Variants in BCO2 observed in about 807,000 individuals in gnomAD.
BCO2 encodes carotenoid-cleaving dioxygenase, mitochondrial.
BCO2 carries 56 observed loss-of-function variants against 65.8 expected under a neutral mutation model. That is an observed-to-expected ratio of 0.85 (90% CI 0.69 to 1.06). The LOEUF (loss-of-function observed/expected upper bound fraction) is 1.06. Among genes scored for constraint, BCO2 ranks in the 50% least tolerant of loss-of-function variants. BCO2 has a pLI of 0.00. For synonymous variants in BCO2, 233 were observed against 242.3 expected (o/e 0.96, Z 0.36); for missense variants, 675 against 698.5 (o/e 0.97, Z 0.38).
rs1419913789 is a variant in BCO2 at position 112,200,746 on chromosome 11, T to C, written c.999T>C (p.Phe333=). ...GGGAACCCCAGTGTAATACGCGGTTTCATGTGGTGGAAAAACGCACTGGAC... is the reference window on the plus strand; with the variant it reads ...GGGAACCCCAGTGTAATACGCGGTTCCATGTGGTGGAAAAACGCACTGGAC... ...ISWEPQCNTR[F]HVVEKRTGQL... Residue 333 remains phenylalanine, a synonymous_variant, in exon 7 of 12, where the codon TTT becomes TTC. Coordinates refer to ENST00000357685, the MANE Select transcript of BCO2 (RefSeq NM_031938.7). 10 of 1,613,876 alleles carry C rather than the reference T, an allele frequency of 6.2e-6. No homozygotes were observed. The highest frequency in any genetic ancestry group is 8.5e-6 in the Non-Finnish European group (10 of 1,179,942).
intron 8 of BCO2, among the ~76,000 whole-genome samples, chr11:112,213,131 CTTTTTTTTTTTTTT>C (rs35527541): frequency 4.8e-5 from 3 of 63,064 alleles, no homozygotes; most frequent in African/African-American, 7.5e-5. Flanking sequence ...AATTAAATAA[CTTTTTTTTTTTTTT>C]TTTTTTTTTT....
intron 2 of BCO2, chr11:112,181,410 T>C (rs1484774432): frequency 3.4e-6 from 2 of 588,074 alleles, no homozygotes; most frequent in East Asian, 3.6e-5. Flanking sequence ...CTCGATCTCC[T>C]GACCTCGTGA....
At chr11:112,216,952 G>A (rs1859696816) in intron 11 of BCO2, among the ~76,000 whole-genome samples, 5 of 152,216 alleles carry the variant, frequency 3.3e-5, no homozygotes, top group Non-Finnish European at 4.4e-5. Flanking sequence ...ATCAATTAGC[G>A]ATATCTGCCA....
At chr11:112,200,200 T>A (rs1319958966) in intron 6 of BCO2, among the ~76,000 whole-genome samples, 1 of 152,234 alleles carries the variant, frequency 6.6e-6, no homozygotes, top group Non-Finnish European at 1.5e-5. Flanking sequence ...ACTCAGAATA[T>A]TTATTTTCTG....
At position 112,181,851 on chromosome 11, in the gene BCO2, A is replaced by C. The variant is rs1434188564; in HGVS notation, c.293+2369A>C. On this transcript the variant is annotated intron_variant, in intron 2 of 11. Transcript: ENST00000357685. ...TGCACATGCAAATCTTTGCTGTTCA[A>C]ATCTTGAACGAGCTCATCTCTCTGG... The C allele has an allele frequency of 6.2e-6, 6 of 964,906 alleles. No individual in the cohort carries two copies. The East Asian group carries it at 1.4e-4, about 23-fold the overall frequency. 59.8% of individuals were successfully genotyped at this position (964,906 alleles called of 1,614,324 possible). A position where few individuals can be genotyped will look rare whatever the true frequency, so the allele number is the denominator to read the frequency against.
At position 112,217,946 on chromosome 11, in the gene BCO2, A is replaced by C. The variant is rs1215105658; in HGVS notation, c.*72A>C. On this transcript the variant is annotated 3_prime_UTR_variant, in exon 12 of 12. Coordinates refer to ENST00000357685, the MANE Select transcript of BCO2 (RefSeq NM_031938.7). ...CTTGGACATAAAGACTGGAGAAATAAACACTGAGGACTCCAAAAGGGGGGC... is the reference window on the plus strand; with the variant it reads ...CTTGGACATAAAGACTGGAGAAATACACACTGAGGACTCCAAAAGGGGGGC... 9.0e-7 allele frequency: 1 copy of C among 1,115,534 alleles called. No homozygotes were observed. The highest frequency in any genetic ancestry group is 1.6e-5 in the African/African-American group (1 of 63,364). 69.1% of individuals were successfully genotyped at this position (1,115,534 alleles called of 1,614,324 possible). A position where few individuals can be genotyped will look rare whatever the true frequency, so the allele number is the denominator to read the frequency against.
At chr11:112,190,326 AT>A (rs1867337063) in intron 2 of BCO2, among the ~76,000 whole-genome samples, 1 of 152,186 alleles carries the variant, frequency 6.6e-6, no homozygotes, top group Non-Finnish European at 1.5e-5. Context: ...TATAACACTA[AT>A]AAATATTTTG....
intron 2 of BCO2, among the ~76,000 whole-genome samples, chr11:112,189,472 C>T (rs1867306378): frequency 6.8e-6 from 1 of 146,062 alleles, no homozygotes; most frequent in African/African-American, 2.5e-5. Flanking sequence ...GTGGCACGAT[C>T]TCGGCTCACT....
chr11:112,193,336 TTC>T, intron 2 of BCO2, 136 bp from the exon 3 acceptor site: 6 of 805,636 alleles, frequency 7.4e-6, no homozygotes, highest in Non-Finnish European at 1.2e-5. Context: ...CAATTTCAAG[TTC>T]TCTGACTAAT....
chr11:112,194,060 T>C (rs1252429353), intron 4 of BCO2, 66 bp downstream of exon 4: 2 of 942,430 alleles, frequency 2.1e-6, no homozygotes, highest in Non-Finnish European at 3.4e-6. Context: ...TGAAATACTT[T>C]TTAGAGTAGT....
intron 8 of BCO2, among the ~76,000 whole-genome samples, chr11:112,211,770 A>G (rs2518356): frequency 0.38 from 57,569 of 152,088 alleles, 11,257 homozygotes; most frequent in South Asian, 0.6. Context: ...CCCAGTATCC[A>G]GTTGGTTTCT....
rs891367103 is a variant in BCO2 at position 112,192,665 on chromosome 11, TTTTC to T, written c.294-797_294-794del. ...TTCTAAAAGCTTAGGAACTTGTTCT[TTTTC>T]TTTCTTTCTTTTTTTTTTTTTTTTT... is the stretch of plus-strand genomic sequence containing the variant. On this transcript the variant is annotated intron_variant, in intron 2 of 11. Coordinates refer to ENST00000357685, the MANE Select transcript of BCO2 (RefSeq NM_031938.7). Among the ~76,000 whole-genome samples the T allele has an allele frequency of 1.1e-4, 16 of 148,822 alleles. No homozygotes were observed. The East Asian group carries it at 1.2e-3, about 11-fold the overall frequency.
rs188317876 is a variant in BCO2 at position 112,217,754 on chromosome 11, T to C, written c.1627-7T>C. 707 of 1,592,902 alleles carry C rather than the reference T, an allele frequency of 4.4e-4. 5 individuals carry two copies. The African/African-American group carries it at 8.0e-3, about 18-fold the overall frequency. On this transcript the variant is annotated splice_region_variant and splice_polypyrimidine_tract_variant and intron_variant, in intron 11 of 11. Transcript: ENST00000357685. ...GATAATTTTCAATATTGTCTTTTCT[T>C]TTCTAGAATGAAAGCAATTTTATCC...
chr11:112,210,264 G>T (rs756062956), intron 8 of BCO2, among the ~76,000 whole-genome samples: 1 of 152,068 alleles, frequency 6.6e-6, no homozygotes, highest in African/African-American at 2.4e-5. Flanking sequence ...GTTATCTGTT[G>T]TTTATTTTGG....
chr11:112,195,277 G>C (rs1003738597), intron 5 of BCO2, among the ~76,000 whole-genome samples: 2 of 151,854 alleles, frequency 1.3e-5, no homozygotes, highest in African/African-American at 4.8e-5. Flanking sequence ...TGGGACTGCA[G>C]GTGTCCTCTG....
At chr11:112,185,254 A>G (rs2135354910) in intron 2 of BCO2, among the ~76,000 whole-genome samples, 1 of 152,328 alleles carries the variant, frequency 6.6e-6, no homozygotes, top group East Asian at 1.9e-4. Flanking sequence ...AAAGATCTAA[A>G]CATGGTGTGC....
chr11:112,192,656 A>T (rs1285652673), intron 2 of BCO2, among the ~76,000 whole-genome samples: 3 of 149,872 alleles, frequency 2.0e-5, no homozygotes, highest in Admixed American at 6.7e-5. Flanking sequence ...AAGCTTAGGA[A>T]CTTGTTCTTT....
At chr11:112,179,654 G>C in intron 2 of BCO2, 172 bp downstream of exon 2, 1 of 655,872 alleles carries the variant, frequency 1.5e-6, no homozygotes, top group Non-Finnish European at 2.6e-6. Context: ...TAAACAAAAT[G>C]TCCTGCTTTT....
intron 2 of BCO2, among the ~76,000 whole-genome samples, chr11:112,187,399 C>T (rs1867231131): frequency 1.3e-5 from 2 of 151,568 alleles, no homozygotes; most frequent in Non-Finnish European, 2.9e-5. Flanking sequence ...AATCATACAA[C>T]CTTGCTGATT....
Sources: gnomAD v4.1 joint callset for allele counts (sites outside exome capture counted in the v4.1 genomes callset) on GRCh38, gnomAD v4.1.1 for gene constraint, MANE v1.5 for transcripts, NCBI Gene and HGNC (gene_info 2026-07-23, HGNC 2026-07-21) for gene names.